Variants in SNX25 observed in about 807,000 individuals in gnomAD.
The protein encoded by SNX25 is sorting nexin 25.
SNX25 carries 62 observed loss-of-function variants against 113.7 expected under a neutral mutation model. The observed-to-expected ratio is 0.55, with a 90% CI of 0.44 to 0.67. The LOEUF is 0.67. SNX25 is among the 30% of genes least tolerant of loss of function. The pLI, the probability that SNX25 is intolerant of heterozygous loss-of-function variation, is 0.00. For synonymous variants in SNX25, 421 were observed against 436.2 expected, an observed-to-expected ratio of 0.97 and a Z score of 0.43; for missense variants, 1,014 against 1,161.0, an observed-to-expected ratio of 0.87 and a Z score of 1.84.
intron 7 of SNX25, among the ~76,000 whole-genome samples, chr4:185,319,703 CAAAT>C (rs1221029055): frequency 6.6e-6 from 1 of 152,018 alleles, no homozygotes; most frequent in Non-Finnish European, 1.5e-5. Flanking sequence ...TTTACAATGC[CAAAT>C]AAATCTTTGT....
chr4:185,257,278 C>T (rs945307409), intron 2 of SNX25, among the ~76,000 whole-genome samples: 1 of 151,828 alleles, frequency 6.6e-6, no homozygotes, highest in African/African-American at 2.4e-5. Context: ...GTTTTTCTCC[C>T]TTGGGGCCCT....
At chr4:185,321,013 G>T in intron 8 of SNX25, 149 bp downstream of exon 8, 1 of 608,972 alleles carries the variant, frequency 1.6e-6, no homozygotes, top group Non-Finnish European at 2.5e-6. Flanking sequence ...GCCCATAATG[G>T]CAAATAAAAT....
chr4:185,316,262 A>G (rs1165390074), intron 7 of SNX25, among the ~76,000 whole-genome samples: 1 of 152,220 alleles, frequency 6.6e-6, no homozygotes, highest in Non-Finnish European at 1.5e-5. Flanking sequence ...TTCGTGATTC[A>G]GAACAGTTAT....
intron 5 of SNX25, among the ~76,000 whole-genome samples, chr4:185,272,426 G>A (rs1749073227): frequency 6.6e-6 from 1 of 152,172 alleles, no homozygotes; most frequent in African/African-American, 2.4e-5. Flanking sequence ...TAAATGCGCG[G>A]ACAGCTTGTG....
intron 5 of SNX25, among the ~76,000 whole-genome samples, chr4:185,277,123 C>G (rs536954838): frequency 2.8e-4 from 43 of 152,292 alleles, no homozygotes; most frequent in Admixed American, 2.5e-3. Context: ...CTCTCGGGTT[C>G]AAGTGATTCT....
At chr4:185,374,926 A>G (rs1205964906), downstream of SNX25, among the ~76,000 whole-genome samples, 2 of 152,144 alleles carry the variant, frequency 1.3e-5, no homozygotes, top group African/African-American at 4.8e-5. Flanking sequence ...CTGTGTGCTC[A>G]TAGTTTGTAT....
At chr4:185,319,983 C>T (rs531791501) in intron 7 of SNX25, among the ~76,000 whole-genome samples, 7 of 152,266 alleles carry the variant, frequency 4.6e-5, no homozygotes, top group Admixed American at 3.9e-4. Context: ...ACAATGGATG[C>T]TGGCAAGGCT....
At chr4:185,377,686 C>G in the SNX25 span, 2 of 171,010 alleles carry the variant, frequency 1.2e-5, no homozygotes, top group South Asian at 3.0e-4. Flanking sequence ...TTAATTTGAG[C>G]CTTAATGAGA....
intron 1 of SNX25, among the ~76,000 whole-genome samples, chr4:185,239,327 C>CA (rs746514279): frequency 3.8e-4 from 58 of 151,904 alleles, no homozygotes; most frequent in African/African-American, 7.2e-4. Context: ...ACTAAAAATG[C>CA]AAAAAATTAG....
At chr4:185,270,662 C>T (rs1241540852) in intron 5 of SNX25, among the ~76,000 whole-genome samples, 2 of 152,186 alleles carry the variant, frequency 1.3e-5, no homozygotes, top group Non-Finnish European at 2.9e-5. Flanking sequence ...AAACCCTGTG[C>T]CCACTAGCAG....
rs1340145001 is a variant in SNX25, at chr4:185,320,809, A to G, written c.1421A>G (p.Lys474Arg). ...GGAATGTACATGGAAAGGATGGACAAAAGAGCTCTGATTAGTTTTTGGGAA... is the reference window on the plus strand; with the variant it reads ...GGAATGTACATGGAAAGGATGGACAGAAGAGCTCTGATTAGTTTTTGGGAA... The part of the protein sequence containing the change: ...HFGMYMERMD[K>R]RALISFWESV... The change falls in exon 8 of 19, where the codon AAA becomes AGA. Residue 474 changes from lysine (K) to arginine (R), a missense_variant. Physicochemically the swap from Lys to Arg is conservative, Grantham distance 26. Coordinates refer to ENST00000652585, the MANE Select transcript of SNX25 (RefSeq NM_001378034.2). 2.5e-6 allele frequency: 4 copies of G among 1,607,074 alleles called. No homozygotes were observed. The Admixed American group carries it at 5.1e-5, about 21-fold the overall frequency.
intron 1 of SNX25, among the ~76,000 whole-genome samples, chr4:185,233,470 A>T (rs905802649): frequency 6.6e-6 from 1 of 152,234 alleles, no homozygotes; most frequent in Non-Finnish European, 1.5e-5. Flanking sequence ...TTATGAACTC[A>T]AAATTACAAT....
intron 1 of SNX25, among the ~76,000 whole-genome samples, chr4:185,212,623 G>A (rs1738130786): frequency 1.3e-5 from 2 of 151,946 alleles, no homozygotes; most frequent in African/African-American, 4.8e-5. Context: ...AGAATTATCG[G>A]CGTGAGCCAC....
At position 185,210,301 on chromosome 4, in the gene SNX25, C is replaced by A; in HGVS notation, c.429+46C>A. 1 of 984,704 alleles carries A rather than the reference C, an allele frequency of 1.0e-6. No individual in the cohort carries two copies. Among genetic ancestry groups the A allele is most frequent in the Non-Finnish European group, 1.2e-6 (1 of 829,760 alleles). 61.0% of individuals were successfully genotyped at this position (984,704 alleles called of 1,614,324 possible). On this transcript the variant is annotated intron_variant, in intron 1 of 18. Transcript: ENST00000652585. The surrounding 1 kb of genome is among the most constrained non-coding windows in gnomAD (Gnocchi z 4.4). ...CGCCCAGCTCCGCCGGCCCTCCCCGCTTCCGGTGCCAGCTCCCGCGCCCCG... is the reference window on the plus strand; with the variant it reads ...CGCCCAGCTCCGCCGGCCCTCCCCGATTCCGGTGCCAGCTCCCGCGCCCCG...
At chr4:185,327,203 T>A (rs1281438002) in intron 9 of SNX25, among the ~76,000 whole-genome samples, 3 of 152,198 alleles carry the variant, frequency 2.0e-5, no homozygotes, top group Non-Finnish European at 4.4e-5. Context: ...GGATTTTAAT[T>A]ATGTACTAGG....
chr4:185,286,501 G>A (rs755090452), intron 5 of SNX25, among the ~76,000 whole-genome samples: 1 of 152,204 alleles, frequency 6.6e-6, no homozygotes, highest in Non-Finnish European at 1.5e-5. Flanking sequence ...TGAGGGAAGG[G>A]TGAGGACTAA....
Position 185,363,518 on chromosome 4 carries a change from C to T in SNX25, c.*53C>T. Reference sequence around the variant, plus strand: ...TGTCTGTGTAATAATAGACATGAAACATTTTCCTCTTTTCCACAGAGGGCT... The same window carrying T: ...TGTCTGTGTAATAATAGACATGAAATATTTTCCTCTTTTCCACAGAGGGCT... On this transcript the variant is annotated 3_prime_UTR_variant, in exon 19 of 19. Transcript: ENST00000652585. The surrounding 1 kb of genome is among the most constrained non-coding windows in gnomAD (Gnocchi z 4.2). The T allele has an allele frequency of 6.5e-7, 1 of 1,549,040 alleles. No individual in the cohort carries two copies.
downstream of SNX25, chr4:185,370,683 C>G: frequency 1.2e-6 from 2 of 1,613,990 alleles, no homozygotes; most frequent in African/African-American, 1.3e-5. Context: ...CCTGGTGATG[C>G]CCAAGCCAAG....
At chr4:185,276,700 C>T (rs1379254201) in intron 5 of SNX25, among the ~76,000 whole-genome samples, 2 of 152,102 alleles carry the variant, frequency 1.3e-5, no homozygotes. Context: ...AATAAATAGT[C>T]TCAGGATTAA....
Sources: gnomAD v4.1 joint callset for allele counts (sites outside exome capture counted in the v4.1 genomes callset) on GRCh38, gnomAD v4.1.1 for gene constraint, Gnocchi (gnomAD v3.1) non-coding constraint, MANE v1.5 for transcripts, NCBI Gene and HGNC (gene_info 2026-07-23, HGNC 2026-07-21) for gene names.